Variants in ERC2 observed in about 807,000 individuals in gnomAD.
ERC2 encodes the protein ELKS/RAB6-interacting/CAST family member 2.
A neutral mutation model predicts 114.8 loss-of-function variants in ERC2; 42 were observed. That is an observed-to-expected ratio of 0.37 (90% CI 0.29 to 0.47). ERC2 has a LOEUF of 0.47. Ranked by LOEUF, ERC2 falls within the 20% of genes least tolerant of loss-of-function variation. The pLI, the probability that ERC2 is intolerant of heterozygous loss-of-function variation, is 0.99. For missense variants in ERC2, 939 were observed against 1,150.7 expected (o/e 0.82, Z 2.66); for synonymous variants, 454 against 425.5 (o/e 1.07, Z -0.82).
At chr3:56,112,072 A>G (rs944183897) in intron 6 of ERC2, among the ~76,000 whole-genome samples, 2 of 152,226 alleles carry the variant, frequency 1.3e-5, no homozygotes, top group African/African-American at 4.8e-5. Flanking sequence ...TCTTTCTAGT[A>G]TGCTGCAAGG....
Position 55,544,381 on chromosome 3 carries a change from A to C in ERC2, c.*40-33105T>G, listed in dbSNP as rs143483313. Reference sequence around the variant, plus strand: ...GCATTTTATTAGTGACTGATGTGCCATTTGGCCTCCATTCCTTACCTCCCA... The same window carrying C: ...GCATTTTATTAGTGACTGATGTGCCCTTTGGCCTCCATTCCTTACCTCCCA... On this transcript the variant is annotated intron_variant, in intron 17 of 17. Coordinates refer to ENST00000288221, the MANE Select transcript of ERC2 (RefSeq NM_015576.3). Among the ~76,000 whole-genome samples, 1,105 of 152,182 alleles carry C rather than the reference A, an allele frequency of 7.3e-3. 9 individuals are homozygous for C. The highest frequency in any genetic ancestry group is 0.024 in the Middle Eastern group (7 of 294).
intron 17 of ERC2, among the ~76,000 whole-genome samples, chr3:55,661,394 C>T (rs2061129320): frequency 6.6e-6 from 1 of 152,162 alleles, no homozygotes; most frequent in Admixed American, 6.5e-5. Context: ...TTCTAGAGGC[C>T]ACCTGCAATC....
chr3:55,992,302 T>C (rs539181437), intron 10 of ERC2, 52 bp from the exon 11 acceptor site: 24 of 1,476,676 alleles, frequency 1.6e-5, no homozygotes, highest in African/African-American at 7.0e-5. Flanking sequence ...TTTAGAACAA[T>C]AGACAGTGCT....
At chr3:56,434,125 C>T (rs2061914075) in intron 2 of ERC2, 1 of 534,982 alleles carries the variant, frequency 1.9e-6, no homozygotes, top group African/African-American at 1.9e-5. Flanking sequence ...CACCCCTCTC[C>T]CCATCTGCAA....
intron 1 of ERC2, among the ~76,000 whole-genome samples, chr3:56,452,116 C>CAAAT (rs2062850921): frequency 1.3e-5 from 2 of 152,144 alleles, no homozygotes; most frequent in African/African-American, 4.8e-5. Context: ...AATCTGAAAA[C>CAAAT]AAATAATGTA....
intron 17 of ERC2, among the ~76,000 whole-genome samples, chr3:55,637,844 A>G (rs1163469427): frequency 2.0e-5 from 3 of 152,096 alleles, no homozygotes; most frequent in Non-Finnish European, 4.4e-5. Flanking sequence ...AGCTATCTAC[A>G]TGGGCTAAGA....
intron 13 of ERC2, among the ~76,000 whole-genome samples, chr3:55,928,989 C>T (rs2065912170): frequency 1.3e-5 from 2 of 152,128 alleles, no homozygotes; most frequent in Non-Finnish European, 2.9e-5. Flanking sequence ...TATGCCAGAA[C>T]CATACTGTTT....
intron 3 of ERC2, among the ~76,000 whole-genome samples, chr3:56,294,307 A>G (rs1397618913): frequency 1.3e-5 from 2 of 152,376 alleles, no homozygotes; most frequent in Non-Finnish European, 1.5e-5. Context: ...TCTGTGTGTC[A>G]GGAATCAAGG....
intron 4 of ERC2, among the ~76,000 whole-genome samples, chr3:56,172,987 A>G (rs982044565): frequency 3.1e-4 from 47 of 152,200 alleles, no homozygotes; most frequent in Admixed American, 2.0e-4. Flanking sequence ...GTCACCAGAA[A>G]GTATCATTTT....
intron 2 of ERC2, among the ~76,000 whole-genome samples, chr3:56,318,113 A>T (rs1316411301): frequency 6.6e-6 from 1 of 152,198 alleles, no homozygotes; most frequent in Non-Finnish European, 1.5e-5. Flanking sequence ...TTTAAATATA[A>T]ATGATCAGTA....
chr3:55,924,725 G>A (rs1576218654), intron 13 of ERC2, among the ~76,000 whole-genome samples: 1 of 152,062 alleles, frequency 6.6e-6, no homozygotes, highest in East Asian at 1.9e-4. Flanking sequence ...TAAAAGCCAA[G>A]AACTAAGGCT....
chr3:56,152,508 A>G (rs2081475796), intron 4 of ERC2, among the ~76,000 whole-genome samples: 1 of 152,142 alleles, frequency 6.6e-6, no homozygotes, highest in South Asian at 2.1e-4. Context: ...CCAGCACTTA[A>G]GACAACATCA....
At chr3:56,118,794 G>T (rs373278037) in intron 6 of ERC2, among the ~76,000 whole-genome samples, 1 of 151,798 alleles carries the variant, frequency 6.6e-6, no homozygotes, top group East Asian at 1.9e-4. Flanking sequence ...CCGCCACCAC[G>T]CCCGGCTAAT....
intron 12 of ERC2, among the ~76,000 whole-genome samples, chr3:55,980,820 A>G (rs1425729488): frequency 6.6e-6 from 1 of 151,958 alleles, no homozygotes; most frequent in Non-Finnish European, 1.5e-5. Context: ...CATGACTTAT[A>G]AGGCCTACCT....
At chr3:56,263,879 T>C (rs904484954) in intron 3 of ERC2, among the ~76,000 whole-genome samples, 1 of 152,146 alleles carries the variant, frequency 6.6e-6, no homozygotes, top group African/African-American at 2.4e-5. Context: ...CCAATATCTC[T>C]GATAAACATA....
At position 55,808,744 on chromosome 3, in the gene ERC2, A is replaced by ATATAT; in HGVS notation, c.2565-73827_2565-73826insATATA. Among the ~76,000 whole-genome samples, 2 of 85,710 alleles carry ATATAT rather than the reference A, an allele frequency of 2.3e-5. 1 individual carries two copies. Among genetic ancestry groups the ATATAT allele is most frequent in the South Asian group, 1.0e-3 (2 of 1,922 alleles). The allele number at this position is 85,710 out of a possible 152,430, so 56.2% of individuals were successfully genotyped here. A position where few individuals can be genotyped will look rare whatever the true frequency, so the allele number is the denominator to read the frequency against. ...ATATATATATATATATATATATATA[A>ATATAT]CGTATAACTAAACATATATATATAT... On this transcript the variant is annotated intron_variant, in intron 14 of 17. Coordinates refer to ENST00000288221, the MANE Select transcript of ERC2 (RefSeq NM_015576.3).
intron 2 of ERC2, among the ~76,000 whole-genome samples, chr3:56,380,276 G>A (rs2059699435): frequency 1.3e-5 from 2 of 152,036 alleles, no homozygotes; most frequent in South Asian, 2.1e-4. Context: ...AGGTCCTGTC[G>A]CTAATAAGTG....
chr3:55,813,111 T>G (rs1388023096), intron 14 of ERC2, among the ~76,000 whole-genome samples: 1 of 152,198 alleles, frequency 6.6e-6, no homozygotes, highest in African/African-American at 2.4e-5. Context: ...ACCTTGCTAA[T>G]GTCCTATGGA....
At chr3:55,581,303 T>G (rs915251665) in intron 17 of ERC2, among the ~76,000 whole-genome samples, 1 of 152,188 alleles carries the variant, frequency 6.6e-6, no homozygotes, top group Non-Finnish European at 1.5e-5. Context: ...AAAATACCCA[T>G]GCAATAATAC....
Sources: allele counts gnomAD v4.1 joint callset (sites outside exome capture counted in the v4.1 genomes callset), GRCh38; gene constraint gnomAD v4.1.1; transcripts MANE v1.5; gene names NCBI Gene and HGNC (gene_info 2026-07-23, HGNC 2026-07-21).